The following SLC44A5 variants were observed in gnomAD, a reference collection of about 807,000 sequenced individuals.
The protein encoded by SLC44A5 is solute carrier family 44 member 5.
In SLC44A5, 57 loss-of-function variants were observed where a neutral mutation model predicts 101.8. The observed-to-expected ratio is 0.56, with a 90% CI of 0.45 to 0.70. SLC44A5 has a LOEUF of 0.70. SLC44A5 is among the 30% of genes least tolerant of loss of function. The probability of loss-of-function intolerance (pLI) is 0.00; values close to 1 mark genes in which losing one functional copy is unlikely to be tolerated. For synonymous variants in SLC44A5, 281 were observed against 290.9 expected (o/e 0.97, Z 0.35); for missense variants, 737 against 853.1 (o/e 0.86, Z 1.70).
rs956894973 is a variant in SLC44A5 at position 75,417,188 on chromosome 1, G to C, written c.14-20567C>G. Among the ~76,000 whole-genome samples, 3 of 152,196 alleles carry C rather than the reference G, an allele frequency of 2.0e-5. No homozygotes were observed. In the East Asian group the frequency reaches 5.8e-4, roughly 29 times the overall value. ...CTGGTGGGAGACAATAGAATCATGG[G>C]GACAGGTTTTTCCCCTGCTGTTTTC... is the stretch of plus-strand genomic sequence containing the variant. On this transcript the variant is annotated intron_variant, in intron 2 of 23. Coordinates refer to ENST00000370859, the MANE Select transcript of SLC44A5 (RefSeq NM_001130058.2).
At chr1:75,492,085 C>T (rs182283715) in intron 2 of SLC44A5, among the ~76,000 whole-genome samples, 2 of 152,008 alleles carry the variant, frequency 1.3e-5, no homozygotes, top group Admixed American at 6.6e-5. Flanking sequence ...AGGGATGTGC[C>T]GGGCCCTGCA....
At chr1:75,329,595 T>C (rs1656868159) in intron 4 of SLC44A5, among the ~76,000 whole-genome samples, 1 of 152,168 alleles carries the variant, frequency 6.6e-6, no homozygotes, top group Non-Finnish European at 1.5e-5. Flanking sequence ...CTGTGTCTTA[T>C]TCAATTCTGC....
the SLC44A5 span, among the ~76,000 whole-genome samples, chr1:75,686,015 AG>A: frequency 6.6e-6 from 1 of 152,148 alleles, no homozygotes; most frequent in African/African-American, 2.4e-5. Flanking sequence ...TGCTGAGTGA[AG>A]GGGGAAGAAA....
intron 2 of SLC44A5, among the ~76,000 whole-genome samples, chr1:75,537,034 A>AAAAAATATATATATATATG (rs1553199990): frequency 1.6e-4 from 3 of 18,658 alleles, no homozygotes; most frequent in African/African-American, 3.1e-4. Flanking sequence ...AAAAAAAAAA[A>AAAAAATATATATATATATG]TATATATCTA....
intron 2 of SLC44A5, among the ~76,000 whole-genome samples, chr1:75,507,190 C>G (rs1305418162): frequency 6.6e-6 from 1 of 152,072 alleles, no homozygotes; most frequent in Admixed American, 6.6e-5. Context: ...GGGTTTATCA[C>G]AGATGGTGCT....
At chr1:75,645,478 G>GT in the SLC44A5 span, among the ~76,000 whole-genome samples, 2 of 151,692 alleles carry the variant, frequency 1.3e-5, no homozygotes, top group African/African-American at 4.8e-5. Flanking sequence ...GGGGTTGTTT[G>GT]TTTTTTTCTT....
At chr1:75,374,089 C>T (rs546485944) in intron 3 of SLC44A5, among the ~76,000 whole-genome samples, 3 of 152,320 alleles carry the variant, frequency 2.0e-5, no homozygotes, top group African/African-American at 7.2e-5. Flanking sequence ...CATTTTGGAA[C>T]AGCAAGTGAC....
At chr1:75,225,564 GT>G (rs1282498574) in intron 13 of SLC44A5, among the ~76,000 whole-genome samples, 1 of 152,168 alleles carries the variant, frequency 6.6e-6, no homozygotes, top group Non-Finnish European at 1.5e-5. Flanking sequence ...TTCATAGTTA[GT>G]TAATAGCAGA....
the SLC44A5 span, among the ~76,000 whole-genome samples, chr1:75,682,337 C>T: frequency 3.9e-5 from 6 of 152,068 alleles, no homozygotes; most frequent in Non-Finnish European, 7.4e-5. Flanking sequence ...AGGCATCACA[C>T]TACCTGACTT....
intron 2 of SLC44A5, among the ~76,000 whole-genome samples, chr1:75,459,892 T>C (rs930299794): frequency 3.3e-5 from 5 of 152,200 alleles, no homozygotes; most frequent in Middle Eastern, 3.4e-3. Flanking sequence ...GCTCAAGAAA[T>C]CCTCCTGCTG....
chr1:75,394,467 A>T (rs1446003391), intron 3 of SLC44A5, among the ~76,000 whole-genome samples: 1 of 152,114 alleles, frequency 6.6e-6, no homozygotes, highest in Non-Finnish European at 1.5e-5. Context: ...GTATTAAGGC[A>T]TATTTACATG....
chr1:75,213,440 T>C (rs1255937752), intron 22 of SLC44A5, among the ~76,000 whole-genome samples: 1 of 152,040 alleles, frequency 6.6e-6, no homozygotes, highest in Non-Finnish European at 1.5e-5. Context: ...TGGGAGGTGA[T>C]TAGGTCAGGA....
intron 23 of SLC44A5, chr1:75,206,655 A>T: frequency 1.2e-6 from 2 of 1,613,242 alleles, no homozygotes; most frequent in Non-Finnish European, 1.7e-6. Flanking sequence ...TCAGAATTCC[A>T]TGCAGGTTAG....
chr1:75,393,304 G>T (rs1665366662), intron 3 of SLC44A5, among the ~76,000 whole-genome samples: 1 of 152,064 alleles, frequency 6.6e-6, no homozygotes, highest in Non-Finnish European at 1.5e-5. Flanking sequence ...TTATTTGAAG[G>T]ATTATTATGA....
intron 2 of SLC44A5, among the ~76,000 whole-genome samples, chr1:75,498,041 T>C (rs950297942): frequency 6.6e-6 from 1 of 152,090 alleles, no homozygotes; most frequent in Non-Finnish European, 1.5e-5. Flanking sequence ...TTTCATCATG[T>C]TGAGGAGGAG....
At chr1:75,340,502 C>T (rs1475793357) in intron 3 of SLC44A5, among the ~76,000 whole-genome samples, 2 of 152,222 alleles carry the variant, frequency 1.3e-5, no homozygotes, top group African/African-American at 4.8e-5. Flanking sequence ...ATTTGTACTT[C>T]AGTGCCAAGT....
intron 1 of SLC44A5, among the ~76,000 whole-genome samples, chr1:75,595,145 G>C (rs929232285): frequency 1.3e-5 from 2 of 152,006 alleles, no homozygotes; most frequent in Non-Finnish European, 2.9e-5. Flanking sequence ...ACCTCTTCTA[G>C]TGCTTCAGAA....
At chr1:75,683,133 T>C in the SLC44A5 span, among the ~76,000 whole-genome samples, 394 of 151,636 alleles carry the variant, frequency 2.6e-3, 1 homozygote, top group Non-Finnish European at 3.9e-3. Context: ...TGTGGAGAAA[T>C]AGGAACACTT....
the SLC44A5 span, among the ~76,000 whole-genome samples, chr1:75,623,600 A>T: frequency 0.29 from 44,523 of 151,690 alleles, 7,486 homozygotes; most frequent in East Asian, 0.82. Context: ...GTTTTTTTTT[A>T]AAATGGACCA....
Sources: allele counts gnomAD v4.1 joint callset (sites outside exome capture counted in the v4.1 genomes callset), GRCh38; gene constraint gnomAD v4.1.1; transcripts MANE v1.5; gene names NCBI Gene and HGNC (gene_info 2026-07-23, HGNC 2026-07-21).